FANCC: variants seen among roughly 807,000 people sequenced by gnomAD.
The protein encoded by FANCC is Fanconi anemia group C protein.
A neutral mutation model predicts 71.3 loss-of-function variants in FANCC; 55 were observed. The ratio of observed to expected loss-of-function variants is 0.77; its 90% CI spans 0.62 to 0.97. The LOEUF is 0.97. Among genes scored for constraint, FANCC ranks in the 50% least tolerant of loss-of-function variants. The probability of loss-of-function intolerance (pLI) is 0.00; values close to 1 mark genes in which losing one functional copy is unlikely to be tolerated. For synonymous variants in FANCC, 275 were observed against 244.9 expected (o/e 1.12, Z -1.15); for missense variants, 678 against 670.9 (o/e 1.01, Z -0.12).
chr9:95,272,038 G>A (rs892384009), intron 1 of FANCC, among the ~76,000 whole-genome samples: 1 of 143,548 alleles, frequency 7.0e-6, no homozygotes, highest in Non-Finnish European at 1.5e-5. Context: ...CCGGGTTCAC[G>A]CCATTCTCCT....
chr9:95,194,802 T>C (rs1345915822), intron 4 of FANCC, among the ~76,000 whole-genome samples: 1 of 152,228 alleles, frequency 6.6e-6, no homozygotes, highest in Non-Finnish European at 1.5e-5. Context: ...GCCATTGTCC[T>C]TCACGTGGGC....
intron 3 of FANCC, among the ~76,000 whole-genome samples, chr9:95,245,248 T>G (rs1397172558): frequency 2.6e-5 from 4 of 152,144 alleles, no homozygotes; most frequent in African/African-American, 9.7e-5. Flanking sequence ...TCTTCAAACT[T>G]CTGGTCAAGA....
At chr9:95,221,915 A>T (rs1311378819) in intron 4 of FANCC, among the ~76,000 whole-genome samples, 2 of 152,186 alleles carry the variant, frequency 1.3e-5, no homozygotes, top group African/African-American at 4.8e-5. Context: ...GGTGGTGAGA[A>T]TGTAAACCAT....
At chr9:95,242,555 A>C (rs1303431101) in intron 3 of FANCC, among the ~76,000 whole-genome samples, 1 of 152,014 alleles carries the variant, frequency 6.6e-6, no homozygotes, top group Non-Finnish European at 1.5e-5. Context: ...AGAATACCCA[A>C]AACTGGGAGT....
intron 10 of FANCC, among the ~76,000 whole-genome samples, chr9:95,120,547 G>A (rs1396811661): frequency 2.0e-5 from 3 of 151,670 alleles, no homozygotes; most frequent in Admixed American, 6.6e-5. Context: ...CCGAGTAGCC[G>A]GGACTACAGG....
chr9:95,256,286 C>CA (rs1330609474), intron 1 of FANCC, among the ~76,000 whole-genome samples: 1 of 152,150 alleles, frequency 6.6e-6, no homozygotes, highest in Non-Finnish European at 1.5e-5. Context: ...TAAGGGCAGT[C>CA]AGAGAGAAAG....
intron 7 of FANCC, among the ~76,000 whole-genome samples, chr9:95,148,408 T>C (rs1019981393): frequency 1.3e-5 from 2 of 152,230 alleles, no homozygotes; most frequent in African/African-American, 4.8e-5. Flanking sequence ...AGTCACATTT[T>C]AGGATTAGGC....
chr9:95,243,407 C>G (rs2136065621), intron 3 of FANCC, among the ~76,000 whole-genome samples: 1 of 152,194 alleles, frequency 6.6e-6, no homozygotes, highest in Non-Finnish European at 1.5e-5. Context: ...TCCTTATTAC[C>G]CTTTTCTGAT....
chr9:95,315,096 C>T (rs563823889), intron 1 of FANCC, among the ~76,000 whole-genome samples: 1 of 152,282 alleles, frequency 6.6e-6, no homozygotes, highest in African/African-American at 2.4e-5. Context: ...GTAATGCTGA[C>T]ATAAAAGGCA....
At chr9:95,247,376 G>T in intron 3 of FANCC, 56 bp downstream of exon 3, 1 of 1,286,350 alleles carries the variant, frequency 7.8e-7, no homozygotes, top group Non-Finnish European at 1.1e-6. Context: ...AAGCCTCTGT[G>T]AAACAATGCA....
intron 7 of FANCC, among the ~76,000 whole-genome samples, chr9:95,137,811 G>A (rs1462299809): frequency 6.6e-6 from 1 of 152,244 alleles, no homozygotes; most frequent in Non-Finnish European, 1.5e-5. Context: ...CACAGAAGCA[G>A]AGGACGCGTC....
chr9:95,158,782 G>A (rs2135499764), intron 6 of FANCC, among the ~76,000 whole-genome samples: 1 of 152,276 alleles, frequency 6.6e-6, no homozygotes, highest in African/African-American at 2.4e-5. Context: ...CTTGGTCTCT[G>A]CCCGAGGGAT....
At chr9:95,204,476 G>A (rs531625691) in intron 4 of FANCC, among the ~76,000 whole-genome samples, 1 of 152,336 alleles carries the variant, frequency 6.6e-6, no homozygotes, top group African/African-American at 2.4e-5. Context: ...TCTGAAATGA[G>A]GGATTAAGAA....
chr9:95,251,640 T>G (rs1020779645), intron 1 of FANCC, among the ~76,000 whole-genome samples: 2 of 152,070 alleles, frequency 1.3e-5, no homozygotes, highest in Non-Finnish European at 2.9e-5. Context: ...TAAAAGGTAA[T>G]TCCCCACCAA....
intron 1 of FANCC, among the ~76,000 whole-genome samples, chr9:95,279,951 A>C (rs1306961004): frequency 6.7e-6 from 1 of 148,464 alleles, no homozygotes; most frequent in Non-Finnish European, 1.5e-5. Context: ...CTGTCTCAAA[A>C]AAAAAAAAAA....
chr9:95,148,015 T>G (rs1364415933), intron 7 of FANCC, among the ~76,000 whole-genome samples: 1 of 152,192 alleles, frequency 6.6e-6, no homozygotes, highest in Non-Finnish European at 1.5e-5. Context: ...TGTTGACATT[T>G]GCACTGATAG....
intron 1 of FANCC, among the ~76,000 whole-genome samples, chr9:95,286,955 A>G (rs1293878117): frequency 6.6e-6 from 1 of 152,218 alleles, no homozygotes; most frequent in East Asian, 1.9e-4. Flanking sequence ...TAAGGTTATT[A>G]GAGGAAGCAA....
chr9:95,304,875 T>C (rs1006006667), intron 1 of FANCC, among the ~76,000 whole-genome samples: 1 of 150,706 alleles, frequency 6.6e-6, no homozygotes, highest in African/African-American at 2.4e-5. Flanking sequence ...GAAAAAGGTA[T>C]CACCATATCA....
rs1320542807 is a variant in FANCC at position 95,148,337 on chromosome 9, C to CT, written c.686+1585dup. On this transcript the variant is annotated intron_variant, in intron 7 of 14. Coordinates refer to ENST00000289081, the MANE Select transcript of FANCC (RefSeq NM_000136.3). ...CACAACTCTTTCAGCAGTGGGCTCA[C>CT]TTGACCACTTTTTGTCATGGAAATT... Among the ~76,000 whole-genome samples the CT allele has an allele frequency of 2.0e-5, 3 of 152,330 alleles. No individual in the cohort carries two copies. The East Asian group carries it at 5.8e-4, about 29-fold the overall frequency.
Sources: gnomAD v4.1 joint callset for allele counts (sites outside exome capture counted in the v4.1 genomes callset) on GRCh38, gnomAD v4.1.1 for gene constraint, MANE v1.5 for transcripts, NCBI Gene and HGNC (gene_info 2026-07-23, HGNC 2026-07-21) for gene names.